The following SNRNP48 variants were observed in gnomAD, a reference collection of about 807,000 sequenced individuals.
SNRNP48 encodes small nuclear ribonucleoprotein U11/U12 subunit 48, also known as U11/U12 small nuclear ribonucleoprotein 48 kDa protein.
In SNRNP48, 43 loss-of-function variants were observed where a neutral mutation model predicts 47.0. The observed-to-expected ratio is 0.92, with a 90% CI of 0.72 to 1.18. SNRNP48 has a LOEUF of 1.18. Ranked by LOEUF, SNRNP48 falls within the 50% of genes most tolerant of loss-of-function variation. The pLI, the probability that SNRNP48 is intolerant of heterozygous loss-of-function variation, is 0.00. For synonymous variants in SNRNP48, 138 were observed against 144.0 expected (o/e 0.96, Z 0.30); for missense variants, 396 against 422.2 (o/e 0.94, Z 0.54).
At chr6:7,590,460 GTCTTC>G (rs1759795904) in intron 1 of SNRNP48, 47 bp downstream of exon 1, 3 of 1,267,050 alleles carry the variant, frequency 2.4e-6, no homozygotes, top group Non-Finnish European at 3.0e-6. Context: ...TCGGCCCGGG[GTCTTC>G]TCTGGAAGAA....
rs756545297 is a variant in SNRNP48, at chr6:7,606,019, T to C, written c.807-12T>C. On this transcript the variant is annotated splice_polypyrimidine_tract_variant and intron_variant, in intron 7 of 8. Coordinates refer to ENST00000342415, the MANE Select transcript of SNRNP48 (RefSeq NM_152551.4). ...TAACACAAACTGATTAACATTCTTT[T>C]CTGTGTTTTAGGAATGAAGAAAGGC... 2.0e-5 allele frequency: 31 copies of C among 1,589,284 alleles called. No individual in the cohort carries two copies. In the South Asian group the frequency reaches 3.0e-4, roughly 15 times the overall value.
In SNRNP48 at chr6:7,590,254, A is replaced by C; in HGVS notation, c.-4A>C. The C allele has an allele frequency of 6.1e-6, 8 of 1,316,442 alleles. No individual in the cohort carries two copies. Among genetic ancestry groups the C allele is most frequent in the Non-Finnish European group, 7.8e-6 (8 of 1,024,620 alleles). 81.5% of individuals were successfully genotyped at this position (1,316,442 alleles called of 1,614,324 possible). A position where few individuals can be genotyped will look rare whatever the true frequency, so the allele number is the denominator to read the frequency against. On this transcript the variant is annotated 5_prime_UTR_variant, in exon 1 of 9. Transcript: ENST00000342415. ...CGCTTCCTCTTGGCGGGTGGGCTGC[A>C]GCTATGGAGGGCGAGCCTCCACCTG...
At position 7,609,816 on chromosome 6, in the gene SNRNP48, T is replaced by C. The variant is rs1353735642; in HGVS notation, c.*943T>C. Reference sequence around the variant, plus strand: ...GCACCCTTTTTACGTGTGTATTTTATTGGGTTTTGACAGATTCATACCTCT... The same window carrying C: ...GCACCCTTTTTACGTGTGTATTTTACTGGGTTTTGACAGATTCATACCTCT... On this transcript the variant is annotated 3_prime_UTR_variant, in exon 9 of 9. Coordinates refer to ENST00000342415, the MANE Select transcript of SNRNP48 (RefSeq NM_152551.4). 1 of 152,206 alleles carries C rather than the reference T, an allele frequency of 6.6e-6. No individual in the cohort carries two copies. Among genetic ancestry groups the C allele is most frequent in the Non-Finnish European group, 1.5e-5 (1 of 68,044 alleles). 9.4% of individuals were successfully genotyped at this position (152,206 alleles called of 1,614,324 possible).
At chr6:7,599,358 A>G in intron 4 of SNRNP48, among the ~76,000 whole-genome samples, 1 of 152,198 alleles carries the variant, frequency 6.6e-6, no homozygotes, top group Non-Finnish European at 1.5e-5. Context: ...TAGAGGTTGC[A>G]CAACGTGAAT....
At chr6:7,592,154 G>A (rs377745604) in intron 1 of SNRNP48, among the ~76,000 whole-genome samples, 2 of 152,200 alleles carry the variant, frequency 1.3e-5, no homozygotes, top group South Asian at 4.1e-4. Context: ...ATTCTAAGCT[G>A]ATAAATAAAA....
Position 7,600,911 on chromosome 6 carries a change from T to C in SNRNP48, c.407-425T>C, listed in dbSNP as rs148465808. 3.9e-3 allele frequency: 602 copies of C among 152,770 alleles called. 24 individuals carry two copies. Among genetic ancestry groups the C allele is most frequent in the Admixed American group, 0.034 (519 of 15,312 alleles). 9.5% of individuals were successfully genotyped at this position (152,770 alleles called of 1,614,324 possible). ...AGTTTTTAATATTTCCATAGTTTAT[T>C]TTCAAAGGGACTGTAATGCATATTA... is the stretch of plus-strand genomic sequence containing the variant. On this transcript the variant is annotated intron_variant, in intron 4 of 8. Coordinates refer to ENST00000342415, the MANE Select transcript of SNRNP48 (RefSeq NM_152551.4).
intron 1 of SNRNP48, 41 bp downstream of exon 1, chr6:7,590,454 C>T (rs1346406773): frequency 4.7e-6 from 6 of 1,269,472 alleles, no homozygotes; most frequent in South Asian, 3.2e-5. Flanking sequence ...GGACTATCGG[C>T]CCGGGGTCTT....
At chr6:7,605,355 G>A (rs773252861) in intron 6 of SNRNP48, 43 bp from the exon 7 acceptor site, 3 of 1,492,048 alleles carry the variant, frequency 2.0e-6, no homozygotes, top group South Asian at 2.3e-5. Flanking sequence ...TTAATTTTTT[G>A]AGCAGTTTTC....
intron 4 of SNRNP48, chr6:7,599,589 C>A: frequency 1.3e-6 from 1 of 789,492 alleles, no homozygotes; most frequent in Non-Finnish European, 1.7e-6. Flanking sequence ...TATGTTTATC[C>A]TTTTTGTTGT....
At chr6:7,608,298 T>C (rs1423803043) in intron 8 of SNRNP48, among the ~76,000 whole-genome samples, 3 of 152,210 alleles carry the variant, frequency 2.0e-5, no homozygotes, top group African/African-American at 7.2e-5. Flanking sequence ...GGCTCATGCC[T>C]GTAATCCCAG....
intron 4 of SNRNP48, 80 bp from the exon 5 acceptor site, chr6:7,601,256 A>G: frequency 5.2e-6 from 6 of 1,151,998 alleles, no homozygotes; most frequent in Non-Finnish European, 7.2e-6. Context: ...ATTAAAGCAC[A>G]TGTTTAAAGA....
At chr6:7,597,751 ATTACT>A (rs991311778) in intron 4 of SNRNP48, among the ~76,000 whole-genome samples, 1 of 152,188 alleles carries the variant, frequency 6.6e-6, no homozygotes, top group African/African-American at 2.4e-5. Context: ...AAAGCAAAGA[ATTACT>A]TTGAATGAAT....
intron 4 of SNRNP48, 43 bp from the exon 5 acceptor site, chr6:7,601,293 G>A (rs367943814): frequency 5.6e-5 from 80 of 1,439,290 alleles, no homozygotes; most frequent in African/African-American, 3.2e-4. Context: ...AGTTCACAAT[G>A]CTTCATGTAT....
chr6:7,608,926 C>A lies in SNRNP48; in HGVS notation c.*53C>A. The A allele has an allele frequency of 9.9e-7, 1 of 1,011,682 alleles. No homozygotes were observed. Among genetic ancestry groups the A allele is most frequent in the African/African-American group, 1.7e-5 (1 of 58,996 alleles). The allele number at this position is 1,011,682 out of a possible 1,614,324, so 62.7% of individuals were successfully genotyped here. On this transcript the variant is annotated 3_prime_UTR_variant, in exon 9 of 9. Transcript: ENST00000342415. ...TGCTTACGCCATGATAACCAATATACAGATATATTAATTGGAATTCCTTTG... is the reference window on the plus strand; with the variant it reads ...TGCTTACGCCATGATAACCAATATAAAGATATATTAATTGGAATTCCTTTG...
Position 7,602,724 on chromosome 6 carries a change from AC to A in SNRNP48, c.699del (p.Lys234ArgfsTer7). Reference protein sequence around the residue: ...QSYRAKNVHITKKSYTEVIRD... With the variant: ...QSYRAKNVHIXKKSYTEVIRD... ...CTATAGAGCCAAGAATGTTCACATA[AC>A]CAAGAAATCATATACTGAGGTAAGT... On this transcript the variant is annotated frameshift_variant, in exon 6 of 9. Transcript: ENST00000342415. LOFTEE classifies it high-confidence loss of function. 6 of 1,587,568 alleles carry A rather than the reference AC, an allele frequency of 3.8e-6. No homozygotes were observed. The highest frequency in any genetic ancestry group is 1.2e-5 in the South Asian group (1 of 85,540).
chr6:7,593,416 T>C (rs1212033719), intron 1 of SNRNP48, among the ~76,000 whole-genome samples: 1 of 152,160 alleles, frequency 6.6e-6, no homozygotes, highest in African/African-American at 2.4e-5. Flanking sequence ...ACCTATTGAC[T>C]GGTTTCAGTG....
intron 4 of SNRNP48, among the ~76,000 whole-genome samples, chr6:7,596,594 T>A (rs1200222525): frequency 6.6e-6 from 1 of 152,248 alleles, no homozygotes; most frequent in Non-Finnish European, 1.5e-5. Context: ...GACCATCTTA[T>A]CCTTAGTTGT....
intron 8 of SNRNP48, among the ~76,000 whole-genome samples, chr6:7,608,479 G>C (rs1026980700): frequency 6.6e-6 from 1 of 152,124 alleles, no homozygotes. Flanking sequence ...GCTTGAATCC[G>C]GGAGGCGAAG....
At chr6:7,601,088 T>C in intron 4 of SNRNP48, 1 of 292,502 alleles carries the variant, frequency 3.4e-6, no homozygotes, top group Non-Finnish European at 6.2e-6. Flanking sequence ...CCATGGGATC[T>C]GTCTTTATAT....
Sources: allele counts gnomAD v4.1 joint callset (sites outside exome capture counted in the v4.1 genomes callset), GRCh38; gene constraint gnomAD v4.1.1; transcripts MANE v1.5; gene names NCBI Gene and HGNC (gene_info 2026-07-23, HGNC 2026-07-21).